TTC8: variants seen among roughly 807,000 people sequenced by gnomAD.
TTC8 encodes tetratricopeptide repeat protein 8.
TTC8 carries 47 observed loss-of-function variants against 72.5 expected under a neutral mutation model. The observed-to-expected ratio is 0.65, with a 90% confidence interval of 0.51 to 0.83. The LOEUF is 0.83. Among genes scored for constraint, TTC8 ranks in the 40% least tolerant of loss-of-function variants. The probability of loss-of-function intolerance (pLI) is 0.00; values close to 1 mark genes in which losing one functional copy is unlikely to be tolerated. For missense variants in TTC8, 611 were observed against 623.2 expected, an observed-to-expected ratio of 0.98 and a Z score of 0.21; for synonymous variants, 199 against 221.4, an observed-to-expected ratio of 0.90 and a Z score of 0.90.
At chr14:88,870,888 A>T (rs1323007715) in intron 11 of TTC8, among the ~76,000 whole-genome samples, 1 of 151,932 alleles carries the variant, frequency 6.6e-6, no homozygotes, top group Non-Finnish European at 1.5e-5. Flanking sequence ...CTACTCCCCA[A>T]CCCCCAAAGT....
chr14:88,844,566 A>G (rs777998334), intron 7 of TTC8, among the ~76,000 whole-genome samples: 8 of 151,112 alleles, frequency 5.3e-5, no homozygotes, highest in Non-Finnish European at 1.0e-4. Context: ...TTTTTTTGAG[A>G]CAGAGTCTCA....
At chr14:88,867,963 T>C (rs2094918469) in intron 10 of TTC8, among the ~76,000 whole-genome samples, 1 of 152,206 alleles carries the variant, frequency 6.6e-6, no homozygotes. Flanking sequence ...GTGAATGTTT[T>C]GTTAGGGTTT....
At chr14:88,841,258 A>G in intron 5 of TTC8, 62 bp downstream of exon 5, 1 of 1,604,864 alleles carries the variant, frequency 6.2e-7, no homozygotes, top group Non-Finnish European at 8.5e-7. Context: ...GTAGCTTTAT[A>G]TTATGGTATA....
intron 7 of TTC8, among the ~76,000 whole-genome samples, chr14:88,845,998 G>A (rs1206458201): frequency 2.0e-5 from 3 of 151,820 alleles, no homozygotes; most frequent in Non-Finnish European, 4.4e-5. Flanking sequence ...TGGATGGAGG[G>A]GGGAGTGGTC....
At chr14:88,845,067 A>T (rs1566840213) in intron 7 of TTC8, among the ~76,000 whole-genome samples, 2 of 152,228 alleles carry the variant, frequency 1.3e-5, no homozygotes, top group African/African-American at 2.4e-5. Flanking sequence ...GTAAAGATCC[A>T]TGAAAATAAG....
chr14:88,861,165 A>C, intron 9 of TTC8, 57 bp from the exon 10 acceptor site: 1 of 1,241,300 alleles, frequency 8.1e-7, no homozygotes. Flanking sequence ...TATAAATGTC[A>C]TAACAAATAT....
intron 10 of TTC8, among the ~76,000 whole-genome samples, chr14:88,862,792 G>A (rs1408777201): frequency 6.7e-6 from 1 of 149,924 alleles, no homozygotes. Flanking sequence ...TTGTTGATCA[G>A]GCTGGTCTCG....
downstream of TTC8, chr14:88,880,436 T>C (rs2094969799): frequency 6.6e-6 from 1 of 152,226 alleles, no homozygotes; most frequent in Non-Finnish European, 1.5e-5. Flanking sequence ...TTGGGAACTA[T>C]GTTTCTTGCA....
chr14:88,831,736 A>G (rs1372305730), intron 1 of TTC8, among the ~76,000 whole-genome samples: 1 of 152,176 alleles, frequency 6.6e-6, no homozygotes, highest in African/African-American at 2.4e-5. Context: ...TTCTTAAAGG[A>G]TTGCTGGGAA....
chr14:88,833,571 T>C (rs2094736250), intron 1 of TTC8, 122 bp from the exon 2 acceptor site: 1 of 817,616 alleles, frequency 1.2e-6, no homozygotes, highest in Non-Finnish European at 2.1e-6. Context: ...CTAAAGTTAA[T>C]TTTTTGGATT....
chr14:88,831,656 T>TA (rs146486056), intron 1 of TTC8, among the ~76,000 whole-genome samples: 5 of 152,190 alleles, frequency 3.3e-5, no homozygotes, highest in Admixed American at 6.5e-5. Context: ...TGGTAAGTGA[T>TA]AAAAAATGTT....
intron 4 of TTC8, 36 bp downstream of exon 4, chr14:88,840,964 T>C: frequency 6.2e-7 from 1 of 1,614,030 alleles, no homozygotes; most frequent in Non-Finnish European, 8.5e-7. Flanking sequence ...TGCCACTAAA[T>C]ATTGATCAGA....
Position 88,874,949 on chromosome 14 carries a change from C to CAA in TTC8, c.1348-68_1348-67dup, listed in dbSNP as rs10607562. 1,231 of 997,980 alleles carry CAA rather than the reference C, an allele frequency of 1.2e-3. 2 individuals carry two copies. Among genetic ancestry groups the CAA allele is most frequent in the African/African-American group, 4.5e-3 (280 of 61,718 alleles). The allele number at this position is 997,980 out of a possible 1,614,324, so 61.8% of individuals were successfully genotyped here. ...TGTCATAGGTAAAGAATTCTTTTACCAAAAAAAAAACACAAATATGGTGCT... is the reference window on the plus strand; with the variant it reads ...TGTCATAGGTAAAGAATTCTTTTACCAAAAAAAAAAAACACAAATATGGTGCT... On this transcript the variant is annotated intron_variant, in intron 13 of 14. Coordinates refer to ENST00000380656, the MANE Select transcript of TTC8 (RefSeq NM_144596.4).
chr14:88,872,536 T>C, intron 13 of TTC8, 84 bp downstream of exon 13: 3 of 1,578,858 alleles, frequency 1.9e-6, no homozygotes, highest in Non-Finnish European at 2.6e-6. Flanking sequence ...CAGCGTATGT[T>C]ATTTTAAAAT....
intron 1 of TTC8, among the ~76,000 whole-genome samples, chr14:88,832,599 A>G (rs991278056): frequency 2.6e-5 from 4 of 152,170 alleles, no homozygotes; most frequent in Non-Finnish European, 5.9e-5. Context: ...TGTAAAGTAG[A>G]TAATACTTAC....
In TTC8 at chr14:88,824,706, C is replaced by A; in HGVS notation, c.-2C>A. 1 of 1,604,844 alleles carries A rather than the reference C, an allele frequency of 6.2e-7. No homozygotes were observed. Among genetic ancestry groups the A allele is most frequent in the South Asian group, 1.1e-5 (1 of 89,610 alleles). ...GGGCCTTCGCTGGCCGCACCGGCAGCCATGAGCTCGGAGATGGAGCCGCTG... is the reference window on the plus strand; with the variant it reads ...GGGCCTTCGCTGGCCGCACCGGCAGACATGAGCTCGGAGATGGAGCCGCTG... On this transcript the variant is annotated 5_prime_UTR_variant, in exon 1 of 15. Coordinates refer to ENST00000380656, the MANE Select transcript of TTC8 (RefSeq NM_144596.4).
intron 1 of TTC8, among the ~76,000 whole-genome samples, chr14:88,829,515 C>T (rs529519637): frequency 2.6e-5 from 4 of 152,222 alleles, no homozygotes; most frequent in South Asian, 2.1e-4. Context: ...GTTAATAAAA[C>T]GTAAAGGTTT....
At chr14:88,826,174 G>C (rs1374325795) in intron 1 of TTC8, among the ~76,000 whole-genome samples, 4 of 151,442 alleles carry the variant, frequency 2.6e-5, no homozygotes, top group Non-Finnish European at 5.9e-5. Context: ...ATTTTTAGTA[G>C]AGACGGGATT....
intron 2 of TTC8, among the ~76,000 whole-genome samples, chr14:88,835,766 C>CT (rs1033140330): frequency 6.6e-6 from 1 of 151,606 alleles, no homozygotes; most frequent in East Asian, 1.9e-4. Context: ...TAGTTTTAAA[C>CT]TTTTTTTTGG....
Sources: gnomAD v4.1 joint callset for allele counts (sites outside exome capture counted in the v4.1 genomes callset) on GRCh38, gnomAD v4.1.1 for gene constraint, MANE v1.5 for transcripts, NCBI Gene and HGNC (gene_info 2026-07-23, HGNC 2026-07-21) for gene names.